ADAM10: variants seen among roughly 807,000 people sequenced by gnomAD.
ADAM10 encodes disintegrin and metalloproteinase domain-containing protein 10.
In ADAM10, 17 loss-of-function variants were observed where a neutral mutation model predicts 90.1. The ratio of observed to expected loss-of-function variants is 0.19; its 90% CI spans 0.13 to 0.28. ADAM10 has a LOEUF of 0.28. ADAM10 is among the 10% of genes least tolerant of loss of function. The pLI is 1.00. For synonymous variants in ADAM10, 310 were observed against 298.6 expected (o/e 1.04, Z -0.40); for missense variants, 610 against 914.3 (o/e 0.67, Z 4.29).
chr15:58,702,240 G>C (rs1189347512), intron 2 of ADAM10, among the ~76,000 whole-genome samples: 3 of 152,180 alleles, frequency 2.0e-5, no homozygotes, highest in Non-Finnish European at 2.9e-5. Context: ...GGTGAGATTA[G>C]AAAGTTGATC....
chr15:58,698,189 T>A, intron 2 of ADAM10: 1 of 357,224 alleles, frequency 2.8e-6, no homozygotes, highest in Non-Finnish European at 5.5e-6. Context: ...GAAAAAGAAT[T>A]CAAAATAATA....
intron 2 of ADAM10, 55 bp downstream of exon 2, chr15:58,717,522 A>T: frequency 1.2e-6 from 2 of 1,606,496 alleles, no homozygotes; most frequent in East Asian, 4.5e-5. Flanking sequence ...TCTCCTCTTT[A>T]ACTTAGATTG....
chr15:58,692,601 T>A (rs1448953237), intron 2 of ADAM10: 4 of 557,280 alleles, frequency 7.2e-6, no homozygotes, highest in Non-Finnish European at 1.5e-5. Context: ...TCTTCACTAC[T>A]TCTTTGACCC....
intron 5 of ADAM10, among the ~76,000 whole-genome samples, chr15:58,662,204 C>T (rs549230937): frequency 1.3e-5 from 2 of 152,166 alleles, no homozygotes; most frequent in South Asian, 4.1e-4. Flanking sequence ...CTCTGACAGA[C>T]AGCTAATTTA....
At chr15:58,691,551 C>T (rs1408670428) in intron 2 of ADAM10, 12 of 532,848 alleles carry the variant, frequency 2.3e-5, no homozygotes, top group Non-Finnish European at 2.9e-5. Flanking sequence ...AGACAGGTGT[C>T]GCCAGTTAAT....
In ADAM10 at chr15:58,681,088, G is replaced by A. The variant is rs549956124; in HGVS notation, c.325+1108C>T. Among the ~76,000 whole-genome samples, 137 of 152,266 alleles carry A rather than the reference G, an allele frequency of 9.0e-4. 1 individual carries two copies. Among genetic ancestry groups the A allele is most frequent in the African/African-American group, 3.2e-3 (134 of 41,562 alleles). ...AGCCTCCCAAAGCACTGGGATTACA[G>A]GTGTAACTGCTACCATGCCTGGCCT... is the stretch of plus-strand genomic sequence containing the variant. On this transcript the variant is annotated intron_variant, in intron 3 of 15. Coordinates refer to ENST00000260408, the MANE Select transcript of ADAM10 (RefSeq NM_001110.4).
chr15:58,678,025 G>A (rs1897334457), intron 4 of ADAM10, among the ~76,000 whole-genome samples: 1 of 152,130 alleles, frequency 6.6e-6, no homozygotes, highest in East Asian at 1.9e-4. Context: ...TCCTACTTAT[G>A]AAGGAGGATG....
chr15:58,697,919 A>G (rs1259975058), intron 2 of ADAM10, among the ~76,000 whole-genome samples: 2 of 152,144 alleles, frequency 1.3e-5, no homozygotes, highest in Non-Finnish European at 2.9e-5. Flanking sequence ...TTAACGCTGT[A>G]AACAGCCGAA....
At chr15:58,661,209 G>C (rs1376790841) in intron 5 of ADAM10, among the ~76,000 whole-genome samples, 2 of 151,834 alleles carry the variant, frequency 1.3e-5, no homozygotes, top group Non-Finnish European at 2.9e-5. Flanking sequence ...TTTTAAATGA[G>C]AAAAAACTGC....
intron 4 of ADAM10, chr15:58,672,364 TC>T (rs1207663084): frequency 1.3e-5 from 2 of 156,846 alleles, no homozygotes; most frequent in Admixed American, 6.3e-5. Flanking sequence ...TGTGCAAACT[TC>T]CAGGAGGAGA....
chr15:58,644,251 CAA>C (rs1486436314), intron 6 of ADAM10, among the ~76,000 whole-genome samples: 1 of 143,656 alleles, frequency 7.0e-6, no homozygotes, highest in African/African-American at 2.6e-5. Flanking sequence ...TTTTTGGAGA[CAA>C]GAGTCTTGCT....
chr15:58,608,437 C>A (rs933899439), intron 14 of ADAM10, among the ~76,000 whole-genome samples: 1 of 152,150 alleles, frequency 6.6e-6, no homozygotes, highest in Non-Finnish European at 1.5e-5. Context: ...CTTGTAAAGA[C>A]CAGATGTTTA....
At chr15:58,713,432 G>T (rs1439537765) in intron 2 of ADAM10, among the ~76,000 whole-genome samples, 1 of 152,098 alleles carries the variant, frequency 6.6e-6, no homozygotes, top group Admixed American at 6.6e-5. Flanking sequence ...TAACTAAAAT[G>T]ACCATCATCG....
intron 2 of ADAM10, among the ~76,000 whole-genome samples, chr15:58,705,510 C>A (rs1214403863): frequency 6.6e-6 from 1 of 152,184 alleles, no homozygotes; most frequent in East Asian, 1.9e-4. Context: ...AGTCTTAGTG[C>A]TCTGAATATG....
intron 1 of ADAM10, among the ~76,000 whole-genome samples, chr15:58,720,151 CAAT>C (rs1413468816): frequency 6.6e-6 from 1 of 152,112 alleles, no homozygotes; most frequent in East Asian, 1.9e-4. Context: ...ATGGAGACAA[CAAT>C]GCCTACCTTA....
intron 5 of ADAM10, among the ~76,000 whole-genome samples, chr15:58,646,484 T>C (rs963128626): frequency 6.6e-6 from 1 of 152,196 alleles, no homozygotes; most frequent in Admixed American, 6.5e-5. Flanking sequence ...TAATAGCTTA[T>C]ACTACTTTGA....
chr15:58,739,232 C>T (rs1035110746), intron 1 of ADAM10, among the ~76,000 whole-genome samples: 7 of 151,884 alleles, frequency 4.6e-5, no homozygotes, highest in African/African-American at 1.5e-4. Flanking sequence ...TTGGGCCGGG[C>T]GCGGTGGCTC....
At chr15:58,724,914 G>A (rs1238697541) in intron 1 of ADAM10, among the ~76,000 whole-genome samples, 2 of 152,192 alleles carry the variant, frequency 1.3e-5, no homozygotes, top group African/African-American at 4.8e-5. Flanking sequence ...ACAGAGCCTG[G>A]GCACGGTGGT....
At chr15:58,629,133 T>A (rs1350555185) in intron 9 of ADAM10, 17 of 152,250 alleles carry the variant, frequency 1.1e-4, no homozygotes, top group African/African-American at 2.9e-4. Context: ...ACTCTTGATG[T>A]CATCACAGAA....
Sources: gnomAD v4.1 joint callset for allele counts (sites outside exome capture counted in the v4.1 genomes callset) on GRCh38, gnomAD v4.1.1 for gene constraint, MANE v1.5 for transcripts, NCBI Gene and HGNC (gene_info 2026-07-23, HGNC 2026-07-21) for gene names.